The following AKR7A3 variants were observed in gnomAD, a reference collection of about 807,000 sequenced individuals.
The protein encoded by AKR7A3 is AFB1 aldehyde reductase 2.
A neutral mutation model predicts 32.5 loss-of-function variants in AKR7A3; 37 were observed. The ratio of observed to expected loss-of-function variants is 1.14; its 90% CI spans 0.88 to 1.50. AKR7A3 has a LOEUF of 1.50. Ranked by LOEUF, AKR7A3 falls within the 40% of genes most tolerant of loss-of-function variation. AKR7A3 has a pLI of 0.00. For missense variants in AKR7A3, 412 were observed against 453.2 expected (o/e 0.91, Z 0.83); for synonymous variants, 177 against 188.4 (o/e 0.94, Z 0.50).
intron 1 of AKR7A3, among the ~76,000 whole-genome samples, chr1:19,287,697 C>T (rs942096994): frequency 1.5e-4 from 23 of 152,196 alleles, no homozygotes; most frequent in Non-Finnish European, 2.6e-4. Flanking sequence ...GCCCACTGCC[C>T]TGACGCCCTT....
chr1:19,284,254 G>A (rs1237612030), intron 5 of AKR7A3, 129 bp from the exon 6 acceptor site: 5 of 1,326,230 alleles, frequency 3.8e-6, no homozygotes, highest in Non-Finnish European at 5.1e-6. Flanking sequence ...CTAGCCATGG[G>A]TCTCCCACTT....
the AKR7A3 span, among the ~76,000 whole-genome samples, chr1:19,275,182 G>T: frequency 5.3e-4 from 80 of 151,726 alleles, no homozygotes; most frequent in Admixed American, 1.2e-3. Flanking sequence ...AGGCCGAGGG[G>T]GGTGGATCAC....
At chr1:19,283,863 G>A in intron 6 of AKR7A3, 133 bp downstream of exon 6, 2 of 1,453,928 alleles carry the variant, frequency 1.4e-6, no homozygotes, top group Non-Finnish European at 9.2e-7. Flanking sequence ...AGACCAGTGG[G>A]AAGAATGTTT....
rs750150431 is a variant in AKR7A3 at position 19,284,018 on chromosome 1, A to T, written c.812T>A (p.Met271Lys). Residue 271 changes from methionine to lysine, a missense_variant, in exon 6 of 7, where the codon ATG becomes AAG. By Grantham distance (95) the Met-to-Lys change is moderately conservative. Coordinates refer to ENST00000361640, the MANE Select transcript of AKR7A3 (RefSeq NM_012067.3). The stretch of plus-strand genomic sequence containing the variant: ...TACCTGCAGCTGTGAGTGGTGGTAC[A>T]TCCACCGGAGGGTGGCCGAGGTCAT... ...PSMTSATLRWMYHHSQLQGAH... is the reference protein window; with the variant it reads ...PSMTSATLRWKYHHSQLQGAH... 6.2e-7 allele frequency: 1 copy of T among 1,613,436 alleles called. No individual in the cohort carries two copies. The highest frequency in any genetic ancestry group is 1.7e-5 in the Admixed American group (1 of 60,022).
At chr1:19,285,142 G>A (rs1419178049) in intron 3 of AKR7A3, 28 bp from the exon 4 acceptor site, 3 of 1,607,116 alleles carry the variant, frequency 1.9e-6, no homozygotes, top group East Asian at 4.5e-5. Flanking sequence ...CCGGGGGAGA[G>A]GGTGGATGTG....
At chr1:19,284,169 G>A (rs762141039) in intron 5 of AKR7A3, 44 bp from the exon 6 acceptor site, 7 of 1,576,980 alleles carry the variant, frequency 4.4e-6, no homozygotes, top group Non-Finnish European at 6.0e-6. Context: ...GCCACATTGG[G>A]AGCCACAACC....
rs756661514 is a variant in AKR7A3 at position 19,284,756 on chromosome 1, CATACTT to C, written c.628_633del (p.Lys210_Tyr211del). 2.5e-6 allele frequency: 4 copies of C among 1,613,750 alleles called. No homozygotes were observed. In the South Asian group the frequency reaches 3.3e-5, roughly 13 times the overall value. ...ACGGGCTGTTTCCCATTCTTGTCCT[CATACTT>C]GTACTTGCCGGTCAGCAGGCCCCCT... On this transcript the variant is annotated inframe_deletion, in exon 5 of 7. Transcript: ENST00000361640.
the AKR7A3 span, among the ~76,000 whole-genome samples, chr1:19,275,746 A>C: frequency 3.3e-5 from 5 of 151,766 alleles, no homozygotes; most frequent in Non-Finnish European, 5.9e-5. Flanking sequence ...TCAAGGCTGC[A>C]GTGAGCTGTG....
downstream of AKR7A3, among the ~76,000 whole-genome samples, chr1:19,282,331 A>G (rs1022543783): frequency 6.6e-6 from 1 of 151,526 alleles, no homozygotes; most frequent in Non-Finnish European, 1.5e-5. Context: ...TGTTTAAAAG[A>G]GCCTGGAATT....
chr1:19,284,870 C>T (rs1484489885), intron 4 of AKR7A3, 85 bp from the exon 5 acceptor site: 41 of 1,573,472 alleles, frequency 2.6e-5, no homozygotes, highest in Non-Finnish European at 3.5e-5. Flanking sequence ...AGGGGAGGGG[C>T]AGGGACCCAG....
At chr1:19,279,399 G>A (rs747495737), downstream of AKR7A3, among the ~76,000 whole-genome samples, 1 of 151,868 alleles carries the variant, frequency 6.6e-6, no homozygotes, top group African/African-American at 2.4e-5. Flanking sequence ...TCATGCCCAA[G>A]TTTTTTGTGG....
downstream of AKR7A3, among the ~76,000 whole-genome samples, chr1:19,277,803 G>T (rs1326903988): frequency 6.6e-6 from 1 of 151,996 alleles, no homozygotes; most frequent in African/African-American, 2.4e-5. Flanking sequence ...TTACAGGCAT[G>T]AGCCACTGCA....
chr1:19,287,753 C>T lies in AKR7A3; in HGVS notation c.214+743G>A, dbSNP rs80307318. ...CAAACTCCTATCCATTCTTTCTTCA[C>T]GGGGTCCCTCCCAGGAAGGGGTCAC... is the stretch of plus-strand genomic sequence containing the variant. On this transcript the variant is annotated intron_variant, in intron 1 of 6. Coordinates refer to ENST00000361640, the MANE Select transcript of AKR7A3 (RefSeq NM_012067.3). Among the ~76,000 whole-genome samples, 1,092 of 152,298 alleles carry T rather than the reference C, an allele frequency of 7.2e-3. 16 individuals carry two copies. Among genetic ancestry groups the T allele is most frequent in the East Asian group, 0.041 (210 of 5,170 alleles).
intron 5 of AKR7A3, 39 bp from the exon 6 acceptor site, chr1:19,284,164 A>AT: frequency 6.3e-7 from 1 of 1,580,316 alleles, no homozygotes; most frequent in Non-Finnish European, 8.6e-7. Context: ...TCAGGGCCAC[A>AT]TTGGGAGCCA....
chr1:19,286,463 G>A, intron 1 of AKR7A3, 91 bp from the exon 2 acceptor site: 1 of 1,333,340 alleles, frequency 7.5e-7, no homozygotes. Context: ...AGGCAAATCA[G>A]AAGGTCAGGA....
At chr1:19,274,425 C>T in the AKR7A3 span, among the ~76,000 whole-genome samples, 1 of 151,880 alleles carries the variant, frequency 6.6e-6, no homozygotes, top group African/African-American at 2.4e-5. Context: ...CGTCGTCCCC[C>T]ATCCCTCGGC....
downstream of AKR7A3, among the ~76,000 whole-genome samples, chr1:19,278,651 G>A (rs1204117732): frequency 1.3e-5 from 2 of 151,880 alleles, no homozygotes; most frequent in African/African-American, 2.4e-5. Flanking sequence ...GACTTAAAGT[G>A]ATGATTTAAT....
downstream of AKR7A3, among the ~76,000 whole-genome samples, chr1:19,278,631 C>T (rs1473971659): frequency 6.6e-6 from 1 of 151,900 alleles, no homozygotes; most frequent in African/African-American, 2.4e-5. Flanking sequence ...AATTCAGACA[C>T]TATACAGTTG....
chr1:19,277,631 C>T (rs2093713133), downstream of AKR7A3, among the ~76,000 whole-genome samples: 1 of 151,778 alleles, frequency 6.6e-6, no homozygotes, highest in African/African-American at 2.4e-5. Flanking sequence ...AAGCAATTCT[C>T]GTGCCTCAGC....
Sources: allele counts gnomAD v4.1 joint callset (sites outside exome capture counted in the v4.1 genomes callset), GRCh38; gene constraint gnomAD v4.1.1; transcripts MANE v1.5; gene names NCBI Gene and HGNC (gene_info 2026-07-23, HGNC 2026-07-21).